TMPRSS15: variants seen among roughly 807,000 people sequenced by gnomAD.
The protein encoded by TMPRSS15 is transmembrane serine protease 15.
In TMPRSS15, 128 loss-of-function variants were observed where a neutral mutation model predicts 125.3. The ratio of observed to expected loss-of-function variants is 1.02; its 90% CI spans 0.89 to 1.18. TMPRSS15 has a LOEUF of 1.18. TMPRSS15 is among the 50% of genes most tolerant of loss of function. The pLI is 0.00. For missense variants in TMPRSS15, 1,283 were observed against 1,212.7 expected (o/e 1.06, Z -0.86); for synonymous variants, 446 against 423.2 (o/e 1.05, Z -0.66).
At chr21:18,349,997 G>A (rs1569025378) in intron 10 of TMPRSS15, among the ~76,000 whole-genome samples, 1 of 151,960 alleles carries the variant, frequency 6.6e-6, no homozygotes, top group Admixed American at 6.6e-5. Context: ...CCACATAAAA[G>A]GTATCTGTCA....
At chr21:18,322,930 G>A (rs545718752) in intron 16 of TMPRSS15, among the ~76,000 whole-genome samples, 65 of 152,116 alleles carry the variant, frequency 4.3e-4, no homozygotes, top group South Asian at 1.0e-3. Flanking sequence ...AGAATATTTC[G>A]GTTTCCCAGA....
intron 5 of TMPRSS15, among the ~76,000 whole-genome samples, chr21:18,378,521 C>T (rs2075864080): frequency 1.3e-5 from 2 of 151,998 alleles, no homozygotes; most frequent in Non-Finnish European, 2.9e-5. Flanking sequence ...TTTATCCTTG[C>T]CAAGAATGGC....
At chr21:18,322,890 A>G (rs1253627129) in intron 16 of TMPRSS15, among the ~76,000 whole-genome samples, 4 of 152,226 alleles carry the variant, frequency 2.6e-5, no homozygotes, top group Non-Finnish European at 5.9e-5. Context: ...AATATTCCTA[A>G]CACTTAGAAA....
intron 1 of TMPRSS15, among the ~76,000 whole-genome samples, chr21:18,452,145 T>G (rs913713692): frequency 6.6e-6 from 1 of 152,166 alleles, no homozygotes; most frequent in East Asian, 1.9e-4. Flanking sequence ...AGCTTATGTT[T>G]ATGTGATGGC....
At chr21:18,368,354 A>C (rs2075759097) in intron 6 of TMPRSS15, among the ~76,000 whole-genome samples, 1 of 152,214 alleles carries the variant, frequency 6.6e-6, no homozygotes, top group African/African-American at 2.4e-5. Flanking sequence ...TGACTAAACT[A>C]CACTTCCCCA....
intron 1 of TMPRSS15, among the ~76,000 whole-genome samples, chr21:18,415,014 C>A (rs973986022): frequency 6.6e-6 from 1 of 152,002 alleles, no homozygotes; most frequent in African/African-American, 2.4e-5. Context: ...TACCTTCTTG[C>A]TAGCCCTTAT....
chr21:18,317,801 TC>T (rs2075184507), intron 16 of TMPRSS15, among the ~76,000 whole-genome samples: 1 of 107,146 alleles, frequency 9.3e-6, no homozygotes, highest in African/African-American at 3.6e-5. Flanking sequence ...TCCCATCCCA[TC>T]CCATCCCATC....
intron 1 of TMPRSS15, among the ~76,000 whole-genome samples, chr21:18,402,053 CCA>C (rs2076099596): frequency 6.6e-6 from 1 of 152,018 alleles, no homozygotes; most frequent in Admixed American, 6.6e-5. Flanking sequence ...TATAAAATAT[CCA>C]CACTTTCTTT....
At chr21:18,365,074 A>T (rs1006920821) in intron 7 of TMPRSS15, 66 bp downstream of exon 7, 4 of 1,289,772 alleles carry the variant, frequency 3.1e-6, no homozygotes, top group Non-Finnish European at 3.4e-6. Flanking sequence ...TACTGAAAGC[A>T]ATAAGACGTT....
chr21:18,272,757 A>G (rs982961707), intron 24 of TMPRSS15, among the ~76,000 whole-genome samples: 2 of 152,112 alleles, frequency 1.3e-5, no homozygotes, highest in Non-Finnish European at 2.9e-5. Flanking sequence ...AAATAAATAC[A>G]TACGTAAATA....
At chr21:18,478,910 C>T (rs1016418497) in intron 1 of TMPRSS15, among the ~76,000 whole-genome samples, 1 of 151,912 alleles carries the variant, frequency 6.6e-6, no homozygotes, top group Non-Finnish European at 1.5e-5. Flanking sequence ...CTTTCAACAC[C>T]CTCCAGACTC....
intron 1 of TMPRSS15, among the ~76,000 whole-genome samples, chr21:18,476,821 G>C (rs1350560031): frequency 6.6e-6 from 1 of 152,004 alleles, no homozygotes. Flanking sequence ...CTAATGGTTA[G>C]ATAATAATAA....
chr21:18,436,230 T>C (rs1461687212), intron 1 of TMPRSS15, among the ~76,000 whole-genome samples: 1 of 151,354 alleles, frequency 6.6e-6, no homozygotes, highest in Admixed American at 6.6e-5. Context: ...TGTTAGGGTG[T>C]CAATTTTGGA....
At chr21:18,297,459 AG>A (rs149612450) in intron 19 of TMPRSS15, among the ~76,000 whole-genome samples, 1,730 of 152,334 alleles carry the variant, frequency 0.011, 19 homozygotes, top group African/African-American at 0.038. Flanking sequence ...ATGATAAAAA[AG>A]GGTATAAAAT....
At chr21:18,402,243 T>G (rs369872557) in intron 1 of TMPRSS15, among the ~76,000 whole-genome samples, 11 of 151,988 alleles carry the variant, frequency 7.2e-5, no homozygotes, top group African/African-American at 2.7e-4. Flanking sequence ...CTAAAATCAC[T>G]CACAATGGAA....
chr21:18,420,704 T>C (rs1024176260), intron 1 of TMPRSS15, among the ~76,000 whole-genome samples: 3 of 152,202 alleles, frequency 2.0e-5, no homozygotes, highest in Non-Finnish European at 4.4e-5. Flanking sequence ...TCAAATAGCA[T>C]GGCCAGGCTT....
At chr21:18,437,009 A>T (rs1483862056) in intron 1 of TMPRSS15, among the ~76,000 whole-genome samples, 2 of 145,450 alleles carry the variant, frequency 1.4e-5, no homozygotes, top group Non-Finnish European at 3.0e-5. Flanking sequence ...AAGAGCCCGC[A>T]TCGCCAAGTC....
At chr21:18,440,275 A>AGGC (rs1302682432) in intron 1 of TMPRSS15, among the ~76,000 whole-genome samples, 2 of 144,744 alleles carry the variant, frequency 1.4e-5, no homozygotes, top group African/African-American at 2.5e-5. Flanking sequence ...CGGGAGGCTG[A>AGGC]GGCAGGAGAA....
intron 24 of TMPRSS15, among the ~76,000 whole-genome samples, chr21:18,271,236 T>G (rs1431718499): frequency 2.0e-5 from 3 of 152,244 alleles, no homozygotes; most frequent in African/African-American, 7.2e-5. Context: ...TTATAGGTTC[T>G]GAAATATTTA....
Sources: gnomAD v4.1 joint callset for allele counts (sites outside exome capture counted in the v4.1 genomes callset) on GRCh38, gnomAD v4.1.1 for gene constraint, MANE v1.5 for transcripts, NCBI Gene and HGNC (gene_info 2026-07-23, HGNC 2026-07-21) for gene names.